Variants in MCC observed in about 807,000 individuals in gnomAD.
The protein encoded by MCC is MCC regulator of Wnt signaling pathway, also known as colorectal mutant cancer protein.
In MCC, 90 loss-of-function variants were observed where a neutral mutation model predicts 116.2. The observed-to-expected ratio is 0.77, with a 90% CI of 0.65 to 0.92. The LOEUF is 0.92. MCC is among the 40% of genes least tolerant of loss of function. The pLI is 0.00. For synonymous variants in MCC, 578 were observed against 510.5 expected, an observed-to-expected ratio of 1.13 and a Z score of -1.78; for missense variants, 1,516 against 1,312.2, an observed-to-expected ratio of 1.16 and a Z score of -2.40.
At chr5:113,443,328 G>A (rs910604906) in intron 1 of MCC, among the ~76,000 whole-genome samples, 2 of 152,052 alleles carry the variant, frequency 1.3e-5, no homozygotes, top group African/African-American at 2.4e-5. Flanking sequence ...AAATGCTCGC[G>A]ATTTTTGTAC....
chr5:113,336,913 G>C (rs1163457232), intron 3 of MCC, among the ~76,000 whole-genome samples: 4 of 152,186 alleles, frequency 2.6e-5, no homozygotes, highest in Admixed American at 2.6e-4. Flanking sequence ...AAGGTAAAAA[G>C]CTTATGTAGG....
intron 3 of MCC, among the ~76,000 whole-genome samples, chr5:113,194,149 C>T (rs941851568): frequency 3.3e-5 from 5 of 151,834 alleles, no homozygotes; most frequent in East Asian, 1.9e-4. Flanking sequence ...CTGTGATTGG[C>T]GGAAAACAAA....
At chr5:113,368,677 G>A (rs1036363965) in intron 2 of MCC, among the ~76,000 whole-genome samples, 91 of 151,524 alleles carry the variant, frequency 6.0e-4, no homozygotes, top group African/African-American at 2.0e-3. Flanking sequence ...AGATTTCTGT[G>A]ACCAAATATG....
intron 8 of MCC, among the ~76,000 whole-genome samples, chr5:113,095,851 T>C (rs2150250925): frequency 6.6e-6 from 1 of 152,266 alleles, no homozygotes; most frequent in East Asian, 1.9e-4. Context: ...ATTCACAGAA[T>C]GTCAATACTA....
chr5:113,159,910 C>T (rs1437138398), intron 3 of MCC, among the ~76,000 whole-genome samples: 1 of 152,204 alleles, frequency 6.6e-6, no homozygotes, highest in Non-Finnish European at 1.5e-5. Context: ...TGTCTCACTG[C>T]ATGGAAATCA....
At chr5:113,194,568 G>C (rs746034806) in intron 3 of MCC, among the ~76,000 whole-genome samples, 41 of 152,096 alleles carry the variant, frequency 2.7e-4, no homozygotes, top group Non-Finnish European at 4.4e-4. Context: ...TGATGCAAGA[G>C]GATCACTTGA....
chr5:113,433,436 C>A, intron 1 of MCC: 1 of 597,758 alleles, frequency 1.7e-6, no homozygotes, highest in Non-Finnish European at 3.1e-6. Flanking sequence ...GTCACTGAGC[C>A]GTTGCGGCCA....
intron 1 of MCC, among the ~76,000 whole-genome samples, chr5:113,451,785 C>T (rs953983043): frequency 1.3e-5 from 2 of 152,182 alleles, no homozygotes; most frequent in Admixed American, 6.5e-5. Context: ...CATCACTTGC[C>T]CAAGCCACAC....
chr5:113,183,666 T>G (rs924238472), intron 3 of MCC, among the ~76,000 whole-genome samples: 2 of 151,950 alleles, frequency 1.3e-5, no homozygotes, highest in African/African-American at 4.8e-5. Flanking sequence ...GCAGAGAGAG[T>G]TGGGCATCTG....
At chr5:113,083,077 G>C (rs762501746) in intron 10 of MCC, 69 bp from the exon 11 acceptor site, 18 of 1,457,776 alleles carry the variant, frequency 1.2e-5, no homozygotes, top group Non-Finnish European at 1.6e-5. Flanking sequence ...GCATGCAAAA[G>C]AATTTAAAGC....
At chr5:113,461,744 TAAAAAA>T (rs56312844) in intron 1 of MCC, among the ~76,000 whole-genome samples, 10 of 118,816 alleles carry the variant, frequency 8.4e-5, no homozygotes, top group African/African-American at 2.5e-4. Context: ...CTTGCACCAG[TAAAAAA>T]AAAAAAAAAA....
intron 1 of MCC, among the ~76,000 whole-genome samples, chr5:113,399,726 T>C (rs1411351141): frequency 1.3e-5 from 2 of 152,102 alleles, no homozygotes; most frequent in African/African-American, 4.8e-5. Context: ...CAAATCACCA[T>C]CCCCTTATGA....
intron 1 of MCC, among the ~76,000 whole-genome samples, chr5:113,477,224 T>A (rs1236564523): frequency 6.6e-6 from 1 of 152,180 alleles, no homozygotes; most frequent in East Asian, 1.9e-4. Flanking sequence ...CTGTAGGTAG[T>A]TGCTAAAAAC....
chr5:113,333,883 A>C (rs535364206), intron 3 of MCC, among the ~76,000 whole-genome samples: 1,281 of 111,140 alleles, frequency 0.012, 77 homozygotes, highest in Non-Finnish European at 0.02. Context: ...TCACATATAC[A>C]TGTATTTATA....
chr5:113,476,143 C>T (rs1772228813), intron 1 of MCC, among the ~76,000 whole-genome samples: 3 of 152,334 alleles, frequency 2.0e-5, no homozygotes, highest in African/African-American at 7.2e-5. Context: ...ACAGATTCAA[C>T]ACAATCCTTA....
chr5:113,331,395 A>T (rs1345210033), intron 3 of MCC, among the ~76,000 whole-genome samples: 1 of 151,702 alleles, frequency 6.6e-6, no homozygotes, highest in Non-Finnish European at 1.5e-5. Flanking sequence ...AACCAGGGAC[A>T]TCCTCTAGAC....
intron 3 of MCC, among the ~76,000 whole-genome samples, chr5:113,241,909 C>A (rs1764381904): frequency 6.6e-6 from 1 of 152,154 alleles, no homozygotes; most frequent in African/African-American, 2.4e-5. Context: ...CAGCTATTCC[C>A]ATAGAGCTTC....
chr5:113,087,985 TTACTC>T (rs1304837827), intron 8 of MCC, among the ~76,000 whole-genome samples: 8 of 152,326 alleles, frequency 5.3e-5, no homozygotes, highest in East Asian at 3.9e-4. Flanking sequence ...CAGAGGCAAT[TTACTC>T]TAATCATTTT....
At chr5:113,355,450 T>G (rs1053720185) in intron 2 of MCC, among the ~76,000 whole-genome samples, 1 of 152,230 alleles carries the variant, frequency 6.6e-6, no homozygotes, top group Non-Finnish European at 1.5e-5. Flanking sequence ...CTTCTTATGC[T>G]GGTTTTGCTT....
Sources: allele counts gnomAD v4.1 joint callset (sites outside exome capture counted in the v4.1 genomes callset), GRCh38; gene constraint gnomAD v4.1.1; transcripts MANE v1.5; gene names NCBI Gene and HGNC (gene_info 2026-07-23, HGNC 2026-07-21).